FILIP1L: variants seen among roughly 807,000 people sequenced by gnomAD.
FILIP1L encodes the protein filamin A-interacting protein 1-like.
FILIP1L carries 55 observed loss-of-function variants against 96.6 expected under a neutral mutation model. The ratio of observed to expected loss-of-function variants is 0.57; its 90% CI spans 0.46 to 0.71. FILIP1L has a LOEUF of 0.71. Ranked by LOEUF, FILIP1L falls within the 30% of genes least tolerant of loss-of-function variation. The pLI, the probability that FILIP1L is intolerant of heterozygous loss-of-function variation, is 0.00. For missense variants in FILIP1L, 1,304 were observed against 1,321.2 expected (o/e 0.99, Z 0.20); for synonymous variants, 467 against 473.9 (o/e 0.99, Z 0.19).
chr3:99,982,752 T>G (rs1709165136), intron 1 of FILIP1L, among the ~76,000 whole-genome samples: 1 of 152,194 alleles, frequency 6.6e-6, no homozygotes, highest in Non-Finnish European at 1.5e-5. Context: ...TATATAGTAT[T>G]TCATAGAATG....
intron 1 of FILIP1L, among the ~76,000 whole-genome samples, chr3:99,991,323 A>G (rs1709504435): frequency 6.6e-6 from 1 of 152,204 alleles, no homozygotes; most frequent in Non-Finnish European, 1.5e-5. Context: ...CAAAAGTTTT[A>G]AAACACTCAG....
intron 1 of FILIP1L, among the ~76,000 whole-genome samples, chr3:100,110,667 G>T (rs929586502): frequency 2.6e-5 from 4 of 152,106 alleles, no homozygotes; most frequent in Non-Finnish European, 5.9e-5. Flanking sequence ...AAATCCATCA[G>T]AAAAACCTTC....
intron 1 of FILIP1L, among the ~76,000 whole-genome samples, chr3:99,972,148 T>C (rs750479623): frequency 7.2e-5 from 11 of 152,316 alleles, no homozygotes; most frequent in East Asian, 1.9e-4. Flanking sequence ...TAGACTGATA[T>C]GCAAAGTGTG....
At chr3:99,995,220 G>A (rs530375341) in intron 1 of FILIP1L, among the ~76,000 whole-genome samples, 1 of 152,292 alleles carries the variant, frequency 6.6e-6, no homozygotes, top group South Asian at 2.1e-4. Flanking sequence ...CCAAATGGAA[G>A]AAATTGGCCA....
chr3:99,944,357 T>C (rs1423303842), intron 1 of FILIP1L, among the ~76,000 whole-genome samples: 1 of 152,204 alleles, frequency 6.6e-6, no homozygotes, highest in Non-Finnish European at 1.5e-5. Flanking sequence ...CCAAGCTGGC[T>C]ACAGCTGTTC....
At chr3:99,894,338 G>C (rs1706182571) in intron 4 of FILIP1L, among the ~76,000 whole-genome samples, 1 of 152,198 alleles carries the variant, frequency 6.6e-6, no homozygotes, top group East Asian at 1.9e-4. Flanking sequence ...TTCATCTGTT[G>C]TGGGTGCCTA....
chr3:99,979,973 G>A (rs1258852082), intron 1 of FILIP1L, among the ~76,000 whole-genome samples: 2 of 152,104 alleles, frequency 1.3e-5, no homozygotes, highest in Non-Finnish European at 2.9e-5. Flanking sequence ...TTTGAAGGAG[G>A]TGGTATGTAA....
At chr3:99,857,933 A>G (rs1944051751) in intron 4 of FILIP1L, among the ~76,000 whole-genome samples, 1 of 152,214 alleles carries the variant, frequency 6.6e-6, no homozygotes, top group Admixed American at 6.5e-5. Context: ...TACTAAGGCT[A>G]TCCTGAGATG....
At chr3:100,026,284 A>G (rs1211176062) in intron 1 of FILIP1L, among the ~76,000 whole-genome samples, 2 of 152,126 alleles carry the variant, frequency 1.3e-5, no homozygotes, top group African/African-American at 4.8e-5. Flanking sequence ...TTTTGCTGCC[A>G]TGAGTATATG....
chr3:100,098,377 A>G (rs1288047808), intron 1 of FILIP1L, among the ~76,000 whole-genome samples: 2 of 152,144 alleles, frequency 1.3e-5, no homozygotes, highest in African/African-American at 4.8e-5. Context: ...CAGTTACTGA[A>G]CTTCTCTCAG....
intron 1 of FILIP1L, among the ~76,000 whole-genome samples, chr3:100,041,711 C>G (rs2065207316): frequency 1.3e-5 from 2 of 152,272 alleles, no homozygotes; most frequent in South Asian, 4.2e-4. Flanking sequence ...GATATCCTGG[C>G]TATGAGTGAA....
intron 1 of FILIP1L, among the ~76,000 whole-genome samples, chr3:99,942,663 C>T (rs1038028753): frequency 6.6e-6 from 1 of 152,042 alleles, no homozygotes; most frequent in Non-Finnish European, 1.5e-5. Context: ...GAAACCCCGT[C>T]TCTACTAAAA....
At chr3:99,834,866 TCA>T (rs1942832873) in intron 5 of FILIP1L, among the ~76,000 whole-genome samples, 1 of 152,212 alleles carries the variant, frequency 6.6e-6, no homozygotes, top group South Asian at 2.1e-4. Context: ...CATGTAAACC[TCA>T]GTTTCCTCTT....
chr3:99,952,353 A>G (rs923136734), intron 1 of FILIP1L, among the ~76,000 whole-genome samples: 2 of 152,182 alleles, frequency 1.3e-5, no homozygotes, highest in South Asian at 2.1e-4. Context: ...CAATTCAAAC[A>G]TTTTCCTCAG....
chr3:99,846,566 A>G (rs1042132630), intron 5 of FILIP1L, among the ~76,000 whole-genome samples: 6 of 152,244 alleles, frequency 3.9e-5, no homozygotes, highest in Non-Finnish European at 8.8e-5. Context: ...GTTGATTCCT[A>G]AGATAAATGT....
chr3:99,996,790 C>G (rs542760086), intron 1 of FILIP1L, among the ~76,000 whole-genome samples: 1 of 151,550 alleles, frequency 6.6e-6, no homozygotes, highest in Non-Finnish European at 1.5e-5. Context: ...TGGGGAAAAC[C>G]GGCCCCATGA....
chr3:99,879,291 T>TA (rs776884568), intron 4 of FILIP1L, among the ~76,000 whole-genome samples: 1 of 152,238 alleles, frequency 6.6e-6, no homozygotes, highest in Non-Finnish European at 1.5e-5. Flanking sequence ...TTAGCCATAT[T>TA]ATATTATGTC....
chr3:99,965,777 G>C (rs571739349), intron 1 of FILIP1L, among the ~76,000 whole-genome samples: 1 of 152,180 alleles, frequency 6.6e-6, no homozygotes, highest in Non-Finnish European at 1.5e-5. Flanking sequence ...AGGTCATTAG[G>C]GGGAGGGTGT....
At chr3:99,911,106 A>G (rs1238498992) in intron 4 of FILIP1L, among the ~76,000 whole-genome samples, 2 of 152,138 alleles carry the variant, frequency 1.3e-5, no homozygotes, top group Non-Finnish European at 2.9e-5. Flanking sequence ...GTAGCGCATT[A>G]CACACCCACA....
Sources: allele counts gnomAD v4.1 joint callset (sites outside exome capture counted in the v4.1 genomes callset), GRCh38; gene constraint gnomAD v4.1.1; transcripts MANE v1.5; gene names NCBI Gene and HGNC (gene_info 2026-07-23, HGNC 2026-07-21).